The following VPS13C variants were observed in gnomAD, a reference collection of about 807,000 sequenced individuals.
The protein encoded by VPS13C is intermembrane lipid transfer protein VPS13C.
In VPS13C, 358 loss-of-function variants were observed where a neutral mutation model predicts 456.8. The ratio of observed to expected loss-of-function variants is 0.78; its 90% CI spans 0.72 to 0.86. The LOEUF (loss-of-function observed/expected upper bound fraction) is 0.86, where lower values mean the gene tolerates loss of function less well. Ranked by LOEUF, VPS13C falls within the 40% of genes least tolerant of loss-of-function variation. The probability of loss-of-function intolerance (pLI) is 0.00; values close to 1 mark genes in which losing one functional copy is unlikely to be tolerated. For synonymous variants in VPS13C, 1,578 were observed against 1,486.7 expected (o/e 1.06, Z -1.41); for missense variants, 4,818 against 4,385.4 (o/e 1.10, Z -2.79).
At chr15:62,055,608 C>T (rs917594513) in intron 1 of VPS13C, among the ~76,000 whole-genome samples, 3 of 151,984 alleles carry the variant, frequency 2.0e-5, no homozygotes, top group Non-Finnish European at 4.4e-5. Flanking sequence ...TATATGCACA[C>T]TATGATGTTT....
rs763876629 is a variant in VPS13C at position 61,922,691 on chromosome 15, T to A, written c.6681A>T (p.Gly2227=). The change falls in exon 54 of 85, where the codon GGA becomes GGT. Residue 2227 remains glycine, a synonymous_variant. Transcript: ENST00000644861. ...CCATTTCCTTAGACGTATCTTTGGA[T>A]CCATCTTCTTTTGTTTTTGGAGACA... is the stretch of plus-strand genomic sequence containing the variant. ...AALSPKTKED[G]SKDTSKEMEN... is the part of the protein sequence containing the mutation. The A allele has an allele frequency of 1.2e-6, 2 of 1,613,974 alleles. No homozygotes were observed. Among genetic ancestry groups the A allele is most frequent in the Non-Finnish European group, 1.7e-6 (2 of 1,179,916 alleles).
chr15:62,037,669 A>G (rs11632842), intron 3 of VPS13C, among the ~76,000 whole-genome samples: 79,616 of 150,224 alleles, frequency 0.53, 21,370 homozygotes, highest in Admixed American at 0.62. Flanking sequence ...TAGCACTTGC[A>G]TAGTCTTGTA....
chr15:62,014,628 T>G (rs767363316), intron 9 of VPS13C, among the ~76,000 whole-genome samples: 5 of 152,142 alleles, frequency 3.3e-5, no homozygotes, highest in Non-Finnish European at 7.4e-5. Context: ...ACTATTGCTG[T>G]AGTTGTTATA....
At chr15:61,976,700 A>G (rs1041095413) in intron 24 of VPS13C, among the ~76,000 whole-genome samples, 1 of 152,062 alleles carries the variant, frequency 6.6e-6, no homozygotes, top group African/African-American at 2.4e-5. Flanking sequence ...TAAACATTTC[A>G]TAACTGTCTA....
Position 61,917,759 on chromosome 15 carries a change from G to A in VPS13C, c.7761-124C>T, listed in dbSNP as rs1378679422. 5.6e-6 allele frequency: 6 copies of A among 1,078,936 alleles called. No individual in the cohort carries two copies. In the East Asian group the frequency reaches 1.4e-4, roughly 25 times the overall value. The allele number at this position is 1,078,936 out of a possible 1,614,324, so 66.8% of individuals were successfully genotyped here. A position where few individuals can be genotyped will look rare whatever the true frequency, so the allele number is the denominator to read the frequency against. On this transcript the variant is annotated intron_variant, in intron 59 of 84. Transcript: ENST00000644861. ...TTATTCCTGTTTTTACAGATATACA[G>A]ATGAGGAAACCAGGGCTAAAAAAAA...
intron 1 of VPS13C, among the ~76,000 whole-genome samples, chr15:62,047,996 A>G (rs1289597472): frequency 1.3e-5 from 2 of 152,094 alleles, no homozygotes; most frequent in Admixed American, 1.3e-4. Flanking sequence ...CACCAGGGCT[A>G]AGAACACATA....
intron 1 of VPS13C, among the ~76,000 whole-genome samples, chr15:62,049,957 C>T (rs1193937240): frequency 1.3e-5 from 2 of 152,074 alleles, no homozygotes; most frequent in Non-Finnish European, 2.9e-5. Context: ...GATTTTGTAT[C>T]CTGAGACTTT....
At chr15:62,033,648 A>G (rs1321347544) in intron 4 of VPS13C, 106 bp from the exon 5 acceptor site, 1 of 557,010 alleles carries the variant, frequency 1.8e-6, no homozygotes, top group East Asian at 3.5e-5. Flanking sequence ...ATCCTTCTGC[A>G]ATACAAAAAT....
chr15:61,998,543 T>A (rs1307061671), intron 16 of VPS13C, among the ~76,000 whole-genome samples: 1 of 152,258 alleles, frequency 6.6e-6, no homozygotes, highest in East Asian at 1.9e-4. Context: ...AAGACATAGG[T>A]ACTACTAATT....
intron 81 of VPS13C, chr15:61,864,783 G>A (rs954800279): frequency 2.5e-5 from 25 of 985,060 alleles, no homozygotes; most frequent in Middle Eastern, 5.2e-4. Context: ...TCACTTGTGC[G>A]AATTAGTTAA....
At chr15:62,002,121 T>C (rs986320262) in intron 15 of VPS13C, among the ~76,000 whole-genome samples, 1 of 152,192 alleles carries the variant, frequency 6.6e-6, no homozygotes, top group Non-Finnish European at 1.5e-5. Flanking sequence ...TTGAACTAGT[T>C]TACAGTCCCA....
chr15:62,036,786 GT>G (rs2048013727), intron 3 of VPS13C, among the ~76,000 whole-genome samples: 1 of 151,714 alleles, frequency 6.6e-6, no homozygotes. Flanking sequence ...CTAGAATTGA[GT>G]TTTTTATATA....
intron 66 of VPS13C, among the ~76,000 whole-genome samples, chr15:61,897,953 T>C (rs1165447977): frequency 6.6e-6 from 1 of 152,152 alleles, no homozygotes; most frequent in Non-Finnish European, 1.5e-5. Context: ...ATATTCAACA[T>C]TCTTGAAGAA....
intron 1 of VPS13C, among the ~76,000 whole-genome samples, chr15:62,048,607 G>C (rs1344327042): frequency 1.3e-5 from 2 of 152,134 alleles, no homozygotes; most frequent in East Asian, 3.9e-4. Flanking sequence ...ATAATCCTTT[G>C]GGTATATACC....
rs3784636 is a variant in VPS13C, at chr15:61,867,030, C to T, written c.10863+1629G>A. The T allele has an allele frequency of 0.12, 111,846 of 913,424 alleles. 7,526 individuals are homozygous for T. Among genetic ancestry groups the T allele is most frequent in the Admixed American group, 0.15 (2,476 of 16,140 alleles). 56.6% of individuals were successfully genotyped at this position (913,424 alleles called of 1,614,324 possible). On this transcript the variant is annotated intron_variant, in intron 81 of 84. Transcript: ENST00000644861. This position sits in a 1 kb window ranked among gnomAD's most constrained non-coding sequence, Gnocchi z 5.0. ...ACTTATGTTGAGAATTAAGAGGATA[C>T]TAATTTCAAAAATAATGATTATAAT... is the stretch of plus-strand genomic sequence containing the variant.
At chr15:61,873,126 A>G in intron 78 of VPS13C, 120 bp downstream of exon 78, 2 of 1,433,174 alleles carry the variant, frequency 1.4e-6, no homozygotes, top group Non-Finnish European at 1.9e-6. Flanking sequence ...TCCATCATTT[A>G]TCATTCTTTC....
chr15:61,978,381 C>T (rs1430633127), intron 23 of VPS13C, among the ~76,000 whole-genome samples: 1 of 152,114 alleles, frequency 6.6e-6, no homozygotes, highest in African/African-American at 2.4e-5. Context: ...AAAACATAGG[C>T]TATGAATAGG....
intron 18 of VPS13C, among the ~76,000 whole-genome samples, chr15:61,987,380 G>A (rs2140407516): frequency 6.6e-6 from 1 of 152,288 alleles, no homozygotes; most frequent in South Asian, 2.1e-4. Context: ...CACGGCTGGG[G>A]AGGCCTCACA....
Position 62,033,426 on chromosome 15 carries a change from A to G in VPS13C, c.385+15T>C. ...ATATAGGTATGTCTAAGTTTATCTC[A>G]AAAAAACTTTTTACCTTTTTCTGCT... On this transcript the variant is annotated intron_variant, in intron 5 of 84. Transcript: ENST00000644861. The G allele has an allele frequency of 6.4e-7, 1 of 1,570,766 alleles. No individual in the cohort carries two copies. Among genetic ancestry groups the G allele is most frequent in the South Asian group, 1.2e-5 (1 of 85,622 alleles).
Sources: allele counts gnomAD v4.1 joint callset (sites outside exome capture counted in the v4.1 genomes callset), GRCh38; gene constraint gnomAD v4.1.1; non-coding constraint Gnocchi (gnomAD v3.1); transcripts MANE v1.5; gene names NCBI Gene and HGNC (gene_info 2026-07-23, HGNC 2026-07-21).